LOC122539214: variants seen among roughly 807,000 people sequenced by gnomAD.
At chr19:52,683,236 G>T in the LOC122539214 span, among the ~76,000 whole-genome samples, 5 of 19,650 alleles carry the variant, frequency 2.5e-4, no homozygotes, top group South Asian at 1.3e-3. Context: ...CTCTGTGTGT[G>T]TGTGTGTGTG....
chr19:52,686,078 A>C, the LOC122539214 span, among the ~76,000 whole-genome samples: 1 of 152,142 alleles, frequency 6.6e-6, no homozygotes, highest in African/African-American at 2.4e-5. Context: ...AAACTGAAAA[A>C]TAGACTAACT....
At chr19:52,671,769 TGTTA>T in the LOC122539214 span, among the ~76,000 whole-genome samples, 1 of 152,210 alleles carries the variant, frequency 6.6e-6, no homozygotes. Context: ...GTGTTTTCTT[TGTTA>T]TTCTCTCCTG....
At chr19:52,670,360 G>A in the LOC122539214 span, among the ~76,000 whole-genome samples, 1 of 152,130 alleles carries the variant, frequency 6.6e-6, no homozygotes, top group Non-Finnish European at 1.5e-5. Flanking sequence ...CGCCAATAGG[G>A]GAATGACACA....
the LOC122539214 span, chr19:52,655,742 A>G: frequency 1.4e-6 from 1 of 724,670 alleles, no homozygotes; most frequent in South Asian, 1.7e-5. Context: ...TTACCTTCAC[A>G]CAAAATGAGA....
the LOC122539214 span, among the ~76,000 whole-genome samples, chr19:52,668,777 C>T: frequency 1.3e-5 from 2 of 152,166 alleles, no homozygotes; most frequent in Non-Finnish European, 2.9e-5. Flanking sequence ...GGCCAGAGGC[C>T]CAGATTGTCC....
At chr19:52,668,118 C>T in the LOC122539214 span, among the ~76,000 whole-genome samples, 122,417 of 152,172 alleles carry the variant, frequency 0.8, 49,968 homozygotes, top group African/African-American at 0.95. Flanking sequence ...ACAAGAGTCT[C>T]TCAGCACAGG....
the LOC122539214 span, among the ~76,000 whole-genome samples, chr19:52,685,598 A>G: frequency 1.3e-5 from 2 of 152,146 alleles, no homozygotes; most frequent in Non-Finnish European, 2.9e-5. Context: ...AACTGTTTCA[A>G]TCAAGAATAT....
chr19:52,660,277 A>C, the LOC122539214 span, among the ~76,000 whole-genome samples: 394 of 152,298 alleles, frequency 2.6e-3, 3 homozygotes, highest in Non-Finnish European at 4.0e-3. Flanking sequence ...ATCCAAGAAG[A>C]AGCAATCAGT....
At chr19:52,686,026 T>G in the LOC122539214 span, among the ~76,000 whole-genome samples, 1 of 151,798 alleles carries the variant, frequency 6.6e-6, no homozygotes, top group African/African-American at 2.4e-5. Context: ...ATGAACTTAA[T>G]AGCTCCCAGC....
chr19:52,676,816 T>G, the LOC122539214 span, among the ~76,000 whole-genome samples: 10 of 134,746 alleles, frequency 7.4e-5, no homozygotes, highest in Non-Finnish European at 1.4e-4. Flanking sequence ...CCTGTTGATC[T>G]GTGACCTTAC....
chr19:52,677,573 C>T, the LOC122539214 span, among the ~76,000 whole-genome samples: 2 of 152,008 alleles, frequency 1.3e-5, no homozygotes, highest in South Asian at 2.1e-4. Flanking sequence ...AATTAAATGG[C>T]CTCTGATTTC....
chr19:52,658,681 C>A, the LOC122539214 span, among the ~76,000 whole-genome samples: 3 of 152,148 alleles, frequency 2.0e-5, no homozygotes, highest in Non-Finnish European at 2.9e-5. Flanking sequence ...GCTGAAGGCA[C>A]CCGGTTCTTA....
At chr19:52,683,380 G>A in the LOC122539214 span, among the ~76,000 whole-genome samples, 3 of 152,122 alleles carry the variant, frequency 2.0e-5, no homozygotes, top group Non-Finnish European at 2.9e-5. Flanking sequence ...TCACTGTGCT[G>A]TTTGCACTCT....
At chr19:52,683,421 G>A in the LOC122539214 span, among the ~76,000 whole-genome samples, 4 of 151,780 alleles carry the variant, frequency 2.6e-5, no homozygotes, top group Admixed American at 6.6e-5. Flanking sequence ...CTGAAGTCAC[G>A]GAGCCTCCAG....
the LOC122539214 span, among the ~76,000 whole-genome samples, chr19:52,673,109 T>C: frequency 2.5e-4 from 38 of 152,164 alleles, no homozygotes; most frequent in African/African-American, 8.9e-4. Context: ...CTCAGGAGAC[T>C]GAGGCATGAG....
At chr19:52,667,268 A>G in the LOC122539214 span, among the ~76,000 whole-genome samples, 1 of 151,966 alleles carries the variant, frequency 6.6e-6, no homozygotes, top group Non-Finnish European at 1.5e-5. Context: ...TTATGTAAAA[A>G]GAATGTTATA....
chr19:52,652,164 C>T, the LOC122539214 span: 3 of 222,506 alleles, frequency 1.3e-5, no homozygotes, highest in South Asian at 6.3e-5. Context: ...CCACACTGGG[C>T]GTGGTGGCTC....
At chr19:52,668,962 C>T in the LOC122539214 span, among the ~76,000 whole-genome samples, 5 of 152,206 alleles carry the variant, frequency 3.3e-5, no homozygotes, top group African/African-American at 1.2e-4. Context: ...CAACTCCCAA[C>T]ACTAAGTTCA....
At chr19:52,672,881 G>T in the LOC122539214 span, among the ~76,000 whole-genome samples, 1 of 151,158 alleles carries the variant, frequency 6.6e-6, no homozygotes, top group Non-Finnish European at 1.5e-5. Flanking sequence ...TGGCAAAAAA[G>T]TTTATTTTAA....
Sources: allele counts gnomAD v4.1 joint callset (sites outside exome capture counted in the v4.1 genomes callset), GRCh38; gene constraint gnomAD v4.1.1; transcripts MANE v1.5.